The following TLN2 variants were observed in gnomAD, a reference collection of about 807,000 sequenced individuals.
TLN2 encodes the protein talin 2.
TLN2 carries 118 observed loss-of-function variants against 294.7 expected under a neutral mutation model. The observed-to-expected ratio is 0.40, with a 90% confidence interval of 0.34 to 0.47. The LOEUF is 0.47. Among genes scored for constraint, TLN2 ranks in the 20% least tolerant of loss-of-function variants. The probability of loss-of-function intolerance (pLI) is 0.84; values close to 1 mark genes in which losing one functional copy is unlikely to be tolerated. For missense variants in TLN2, 3,083 were observed against 3,282.2 expected, an observed-to-expected ratio of 0.94 and a Z score of 1.48; for synonymous variants, 1,431 against 1,304.5, an observed-to-expected ratio of 1.10 and a Z score of -2.09.
At chr15:62,487,677 A>G (rs756787475) in intron 1 of TLN2, among the ~76,000 whole-genome samples, 1 of 151,866 alleles carries the variant, frequency 6.6e-6, no homozygotes, top group African/African-American at 2.4e-5. Context: ...TATAAAAAAT[A>G]AAAACGACAC....
intron 1 of TLN2, among the ~76,000 whole-genome samples, chr15:62,568,114 C>T (rs1038651117): frequency 4.6e-5 from 7 of 151,908 alleles, no homozygotes; most frequent in East Asian, 3.9e-4. Flanking sequence ...AAAATGGAAG[C>T]GGGGTGAAGG....
rs369339123 is a variant in TLN2, at chr15:62,712,121, G to A, written c.2634+44G>A. 8.2e-6 allele frequency: 13 copies of A among 1,592,282 alleles called. No homozygotes were observed. In the African/African-American group the frequency reaches 1.6e-4, roughly 20 times the overall value. On this transcript the variant is annotated intron_variant, in intron 22 of 58. Coordinates refer to ENST00000636159, the MANE Select transcript of TLN2 (RefSeq NM_015059.3). ...TTGTATGAAAAGTGAACACTATTAAGTGTTAGGATTTGGAAGGTACTTTCC... is the reference window on the plus strand; with the variant it reads ...TTGTATGAAAAGTGAACACTATTAAATGTTAGGATTTGGAAGGTACTTTCC...
At chr15:62,649,404 A>T (rs1567261045) in intron 4 of TLN2, among the ~76,000 whole-genome samples, 2 of 152,112 alleles carry the variant, frequency 1.3e-5, no homozygotes, top group African/African-American at 4.8e-5. Flanking sequence ...TCTTACCCTC[A>T]TCTGGGTCTC....
chr15:62,788,823 A>G (rs2064880506), intron 45 of TLN2, among the ~76,000 whole-genome samples: 1 of 152,144 alleles, frequency 6.6e-6, no homozygotes, highest in African/African-American at 2.4e-5. Context: ...TGGCACTTTC[A>G]TCTTTTTGAG....
intron 54 of TLN2, chr15:62,831,042 T>TGA (rs2068785973): frequency 6.8e-6 from 1 of 146,302 alleles, no homozygotes; most frequent in Non-Finnish European, 1.5e-5. Context: ...AGCTTGTGTT[T>TGA]AAAAAAAAAA....
chr15:62,780,697 A>C (rs1198753204), intron 43 of TLN2, among the ~76,000 whole-genome samples: 1 of 152,188 alleles, frequency 6.6e-6, no homozygotes, highest in African/African-American at 2.4e-5. Flanking sequence ...CATGGACTCG[A>C]CCATTCCTCA....
rs575087986 is a variant in TLN2, at chr15:62,674,368, G to C, written c.852+478G>C. Among the ~76,000 whole-genome samples the C allele has an allele frequency of 4.7e-4, 71 of 152,280 alleles. 1 individual carries two copies. The highest frequency in any genetic ancestry group is 1.7e-3 in the African/African-American group (69 of 41,560). On this transcript the variant is annotated intron_variant, in intron 10 of 58. Transcript: ENST00000636159. ...CCATGAAACACTCTAAGGAATCCAA[G>C]ATACCAAAGTCTACTTTGATCCTGA...
rs1278531722 is a variant in TLN2, at chr15:62,673,841, T to G, written c.803T>G (p.Leu268Arg). Residue 268 changes from leucine (L) to arginine (R), a missense_variant, in exon 10 of 59, where the codon CTG becomes CGG. Leu to Arg is a moderately radical substitution (Grantham distance 102, BLOSUM62 -2). Transcript: ENST00000636159. The stretch of plus-strand genomic sequence containing the variant: ...CTCTCTCTTAGTCTGAAGGAATTCC[T>G]GCCCAAAGAATATATCAAGCAGAGA... ...KPGFLDLKEF[L>R]PKEYIKQRGA... is the part of the protein sequence containing the mutation. The G allele has an allele frequency of 5.0e-6, 8 of 1,613,292 alleles. No individual in the cohort carries two copies. Among genetic ancestry groups the G allele is most frequent in the Non-Finnish European group, 8.5e-7 (1 of 1,179,534 alleles).
intron 1 of TLN2, among the ~76,000 whole-genome samples, chr15:62,555,785 T>C (rs1285325002): frequency 6.6e-6 from 1 of 152,196 alleles, no homozygotes; most frequent in East Asian, 1.9e-4. Context: ...ATCCTAAATA[T>C]CAATGTATTT....
intron 1 of TLN2, among the ~76,000 whole-genome samples, chr15:62,514,827 G>T (rs1475824829): frequency 6.6e-6 from 1 of 152,172 alleles, no homozygotes; most frequent in African/African-American, 2.4e-5. Flanking sequence ...TCTTTACCCT[G>T]TTGGAGTGTG....
chr15:62,572,996 A>C (rs1024563467), intron 1 of TLN2, among the ~76,000 whole-genome samples: 3 of 144,316 alleles, frequency 2.1e-5, no homozygotes, highest in Admixed American at 6.9e-5. Context: ...CAGTTCCCAC[A>C]CCTCTCTTCT....
chr15:62,608,967 A>G (rs2047678585), intron 2 of TLN2, among the ~76,000 whole-genome samples: 1 of 152,044 alleles, frequency 6.6e-6, no homozygotes, highest in African/African-American at 2.4e-5. Context: ...CTGTTTGGGT[A>G]GAGAATTCCC....
Position 62,689,877 on chromosome 15 carries a change from T to TTTTTTTTTTG in TLN2, c.1114-2963_1114-2962insTTTTTTTTTG, listed in dbSNP as rs71131119. On this transcript the variant is annotated intron_variant, in intron 12 of 58. Coordinates refer to ENST00000636159, the MANE Select transcript of TLN2 (RefSeq NM_015059.3). ...TTTTTTTTTTTTTTTTTTTTTTTTT[T>TTTTTTTTTTG]ATTGGCTGACCCCCCTTCCTCCCTC... Among the ~76,000 whole-genome samples, 2 of 9,834 alleles carry TTTTTTTTTTG rather than the reference T, an allele frequency of 2.0e-4. 1 individual carries two copies. The highest frequency in any genetic ancestry group is 5.8e-4 in the Non-Finnish European group (2 of 3,428). The allele number at this position is 9,834 out of a possible 152,430, so 6.5% of individuals were successfully genotyped here. A position where few individuals can be genotyped will look rare whatever the true frequency, so the allele number is the denominator to read the frequency against.
chr15:62,480,267 G>A (rs566216329), intron 1 of TLN2, among the ~76,000 whole-genome samples: 3 of 152,330 alleles, frequency 2.0e-5, no homozygotes, highest in Non-Finnish European at 4.4e-5. Flanking sequence ...AGGCTGGAGT[G>A]CAGCGGCGCG....
At chr15:62,646,136 G>A (rs904446474) in intron 3 of TLN2, among the ~76,000 whole-genome samples, 2 of 149,990 alleles carry the variant, frequency 1.3e-5, no homozygotes, top group African/African-American at 2.5e-5. Context: ...CCTGTGTCTC[G>A]TCTCATCTCG....
At chr15:62,636,957 C>T (rs558419770) in intron 3 of TLN2, among the ~76,000 whole-genome samples, 33 of 152,300 alleles carry the variant, frequency 2.2e-4, no homozygotes, top group African/African-American at 7.9e-4. Context: ...TAGAACAAAG[C>T]TTCCCCCACC....
chr15:62,761,836 C>T lies in TLN2; in HGVS notation c.4779+15C>T. 6.2e-7 allele frequency: 1 copy of T among 1,614,004 alleles called. No homozygotes were observed. Among genetic ancestry groups the T allele is most frequent in the Non-Finnish European group, 8.5e-7 (1 of 1,179,934 alleles). ...TCAGCTCCGAGGTAGGGAGTGTTTA[C>T]AGGAACATCATACTAAGGTCTTTGG... On this transcript the variant is annotated intron_variant, in intron 38 of 58. Transcript: ENST00000636159.
chr15:62,483,986 G>A (rs1448079657), intron 1 of TLN2, among the ~76,000 whole-genome samples: 3 of 152,192 alleles, frequency 2.0e-5, no homozygotes, highest in Admixed American at 2.0e-4. Context: ...TGGAAGTAGG[G>A]AGGAGGTGAG....
chr15:62,835,677 G>A (rs1486521821), intron 55 of TLN2, 60 bp from the exon 56 acceptor site: 9 of 1,591,162 alleles, frequency 5.7e-6, no homozygotes, highest in Non-Finnish European at 7.8e-6. Context: ...CTGGGGATGA[G>A]GGGCTGCGAC....
Sources: allele counts gnomAD v4.1 joint callset (sites outside exome capture counted in the v4.1 genomes callset), GRCh38; gene constraint gnomAD v4.1.1; transcripts MANE v1.5; gene names NCBI Gene and HGNC (gene_info 2026-07-23, HGNC 2026-07-21).